The following ANKIB1 variants were observed in gnomAD, a reference collection of about 807,000 sequenced individuals.
ANKIB1 encodes the protein ankyrin repeat and IBR domain containing 1.
ANKIB1 carries 43 observed loss-of-function variants against 122.1 expected under a neutral mutation model. That is an observed-to-expected ratio of 0.35 (90% CI 0.28 to 0.45). The LOEUF is 0.45. Ranked by LOEUF, ANKIB1 falls within the 20% of genes least tolerant of loss-of-function variation. The pLI, the probability that ANKIB1 is intolerant of heterozygous loss-of-function variation, is 1.00. For synonymous variants in ANKIB1, 390 were observed against 442.0 expected (o/e 0.88, Z 1.48); for missense variants, 992 against 1,329.5 (o/e 0.75, Z 3.95).
chr7:92,248,689 A>G (rs750072920), intron 1 of ANKIB1, among the ~76,000 whole-genome samples: 7 of 152,156 alleles, frequency 4.6e-5, no homozygotes, highest in Admixed American at 3.9e-4. Context: ...AGGATTTGGG[A>G]GTGGACTAAG....
chr7:92,361,963 C>A (rs984792033), intron 9 of ANKIB1, among the ~76,000 whole-genome samples: 1 of 152,142 alleles, frequency 6.6e-6, no homozygotes, highest in Non-Finnish European at 1.5e-5. Context: ...GCATGTGCCA[C>A]CACGCCCGAC....
intron 18 of ANKIB1, among the ~76,000 whole-genome samples, chr7:92,397,382 A>G (rs1265537501): frequency 6.6e-6 from 1 of 151,892 alleles, no homozygotes; most frequent in Non-Finnish European, 1.5e-5. Context: ...ACCACTCGAG[A>G]GGCTGAGGCA....
intron 2 of ANKIB1, among the ~76,000 whole-genome samples, chr7:92,299,216 G>A (rs1802413606): frequency 6.6e-6 from 1 of 152,158 alleles, no homozygotes; most frequent in South Asian, 2.1e-4. Context: ...TCTCAACACA[G>A]ACTTTTCTGA....
chr7:92,294,800 C>A, intron 1 of ANKIB1, 89 bp from the exon 2 acceptor site: 1 of 500,736 alleles, frequency 2.0e-6, no homozygotes, highest in South Asian at 5.0e-5. Context: ...CGATGATTCC[C>A]AGATTTTTTT....
chr7:92,303,976 A>G (rs1802504111), intron 2 of ANKIB1, among the ~76,000 whole-genome samples: 1 of 152,024 alleles, frequency 6.6e-6, no homozygotes, highest in African/African-American at 2.4e-5. Context: ...CATGAAAGGG[A>G]TGGATTTTTT....
rs201959263 is a variant in ANKIB1, at chr7:92,398,699, G to T, written c.3020G>T (p.Gly1007Val). 12 of 1,613,766 alleles carry T rather than the reference G, an allele frequency of 7.4e-6. No homozygotes were observed. The East Asian group carries it at 2.5e-4, about 33-fold the overall frequency. Reference protein sequence around the residue: ...ADSQLPCIKDGSEGVKDVELV... With the variant: ...ADSQLPCIKDVSEGVKDVELV... The stretch of plus-strand genomic sequence containing the variant: ...TCCCAGCTCCCCTGTATCAAAGATG[G>T]GTCAGAAGGTGTGAAGGATGTGGAA... The change falls in exon 20 of 20, where the codon GGG (glycine) becomes GTG (valine). Residue 1007 changes from glycine (G) to valine (V), a missense_variant. By Grantham distance (109) the Gly-to-Val change is moderately radical. Coordinates refer to ENST00000265742, the MANE Select transcript of ANKIB1 (RefSeq NM_019004.2).
intron 5 of ANKIB1, among the ~76,000 whole-genome samples, chr7:92,328,647 C>T (rs1024923487): frequency 6.6e-6 from 1 of 151,540 alleles, no homozygotes; most frequent in Non-Finnish European, 1.5e-5. Context: ...AAGGTAAATG[C>T]AGGATTTAAA....
At chr7:92,354,221 A>G (rs1803732486) in intron 9 of ANKIB1, among the ~76,000 whole-genome samples, 1 of 152,234 alleles carries the variant, frequency 6.6e-6, no homozygotes, top group Non-Finnish European at 1.5e-5. Context: ...ATAAACATAG[A>G]TGATGCTATA....
chr7:92,323,179 T>C (rs1393662458), intron 4 of ANKIB1, among the ~76,000 whole-genome samples: 1 of 152,214 alleles, frequency 6.6e-6, no homozygotes, highest in Non-Finnish European at 1.5e-5. Flanking sequence ...TTTTAAACTT[T>C]GTCAGATGCT....
chr7:92,283,639 A>G (rs770847469), intron 1 of ANKIB1, among the ~76,000 whole-genome samples: 76 of 152,312 alleles, frequency 5.0e-4, no homozygotes, highest in Middle Eastern at 6.8e-3. Context: ...ATCTACCACA[A>G]TGGTCCCATA....
rs554441657 is a variant in ANKIB1 at position 92,265,833 on chromosome 7, A to G, written c.-91+19314A>G. On this transcript the variant is annotated intron_variant, in intron 1 of 19. Transcript: ENST00000265742. ...AGAATAGGTTGGTGGAAAGGATCAA[A>G]AGAATGGAGGTAACCAGTTATATCT... Among the ~76,000 whole-genome samples, 25 of 152,348 alleles carry G rather than the reference A, an allele frequency of 1.6e-4. No homozygotes were observed. In the South Asian group the frequency reaches 1.7e-3, roughly 10 times the overall value.
intron 11 of ANKIB1, among the ~76,000 whole-genome samples, chr7:92,375,148 A>C (rs1804353192): frequency 6.6e-6 from 1 of 152,266 alleles, no homozygotes; most frequent in Admixed American, 6.5e-5. Flanking sequence ...GCTAACTATT[A>C]TCTGAACCTT....
At chr7:92,329,252 C>A (rs1803102759) in intron 5 of ANKIB1, among the ~76,000 whole-genome samples, 1 of 152,134 alleles carries the variant, frequency 6.6e-6, no homozygotes, top group Non-Finnish European at 1.5e-5. Flanking sequence ...AGGCGTGAGT[C>A]ACCGCACCCA....
chr7:92,267,632 T>G (rs1585079239), intron 1 of ANKIB1, among the ~76,000 whole-genome samples: 1 of 152,350 alleles, frequency 6.6e-6, no homozygotes, highest in East Asian at 1.9e-4. Context: ...GCATTATTGT[T>G]TTACCTTTCA....
intron 2 of ANKIB1, among the ~76,000 whole-genome samples, chr7:92,297,844 T>C (rs1007827032): frequency 4.6e-5 from 7 of 152,204 alleles, no homozygotes; most frequent in African/African-American, 1.7e-4. Context: ...AGTTAGCCTA[T>C]TCTCTTGTTA....
At chr7:92,312,334 T>C (rs1056500422) in intron 3 of ANKIB1, among the ~76,000 whole-genome samples, 2 of 152,214 alleles carry the variant, frequency 1.3e-5, no homozygotes, top group African/African-American at 2.4e-5. Context: ...GAAATGCTTA[T>C]ATGATAAACA....
At chr7:92,341,429 A>C (rs142577402) in intron 5 of ANKIB1, among the ~76,000 whole-genome samples, 1 of 152,120 alleles carries the variant, frequency 6.6e-6, no homozygotes, top group Admixed American at 6.5e-5. Flanking sequence ...TACCAAGGAA[A>C]TACCAATATA....
At chr7:92,375,454 G>C (rs1378866656) in intron 11 of ANKIB1, among the ~76,000 whole-genome samples, 3 of 152,168 alleles carry the variant, frequency 2.0e-5, no homozygotes, top group Non-Finnish European at 2.9e-5. Flanking sequence ...TGTTTACAGA[G>C]TCTTTACCAG....
At position 92,298,800 on chromosome 7, in the gene ANKIB1, TA is replaced by T. The variant is rs548761861; in HGVS notation, c.188+3641del. ...AAAAAAAAAAAAAAGCAGTTTCCCC[TA>T]AAAAAATCCTCGATTAAAGCAGTAA... On this transcript the variant is annotated intron_variant, in intron 2 of 19. Transcript: ENST00000265742. Among the ~76,000 whole-genome samples the T allele has an allele frequency of 9.7e-5, 14 of 143,720 alleles. No individual in the cohort carries two copies. In the South Asian group the frequency reaches 3.1e-3, roughly 32 times the overall value. The allele number at this position is 143,720 out of a possible 152,430, so 94.3% of individuals were successfully genotyped here.
Sources: gnomAD v4.1 joint callset for allele counts (sites outside exome capture counted in the v4.1 genomes callset) on GRCh38, gnomAD v4.1.1 for gene constraint, MANE v1.5 for transcripts, NCBI Gene and HGNC (gene_info 2026-07-23, HGNC 2026-07-21) for gene names.